The following ITGA6 variants were observed in gnomAD, a reference collection of about 807,000 sequenced individuals.
The protein encoded by ITGA6 is integrin subunit alpha 6.
A neutral mutation model predicts 133.6 loss-of-function variants in ITGA6; 63 were observed. The ratio of observed to expected loss-of-function variants is 0.47; its 90% confidence interval spans 0.38 to 0.58. ITGA6 has a LOEUF of 0.58. ITGA6 is among the 20% of genes least tolerant of loss of function. The pLI is 0.00. For missense variants in ITGA6, 1,068 were observed against 1,309.4 expected, an observed-to-expected ratio of 0.82 and a Z score of 2.85; for synonymous variants, 434 against 482.0, an observed-to-expected ratio of 0.90 and a Z score of 1.30.
intron 1 of ITGA6, among the ~76,000 whole-genome samples, chr2:172,437,361 A>G (rs1574316388): frequency 1.3e-5 from 2 of 152,358 alleles, no homozygotes; most frequent in African/African-American, 2.4e-5. Flanking sequence ...AGCAATGAAT[A>G]TAGTAAAAAG....
At chr2:172,451,787 G>C (rs1685014018) in intron 1 of ITGA6, among the ~76,000 whole-genome samples, 1 of 152,094 alleles carries the variant, frequency 6.6e-6, no homozygotes, top group Non-Finnish European at 1.5e-5. Flanking sequence ...CTACCTTGCT[G>C]TCGTGATCGA....
intron 1 of ITGA6, among the ~76,000 whole-genome samples, chr2:172,439,423 T>G (rs1004920848): frequency 1.1e-4 from 17 of 151,822 alleles, no homozygotes; most frequent in African/African-American, 3.9e-4. Context: ...GAGGGAAATC[T>G]GAGTTCAAAA....
rs1382305379 is a variant in ITGA6 at position 172,504,141 on chromosome 2, T to G, written c.*73T>G. The G allele has an allele frequency of 6.2e-7, 1 of 1,600,280 alleles. No homozygotes were observed. Among genetic ancestry groups the G allele is most frequent in the East Asian group, 2.2e-5 (1 of 44,586 alleles). On this transcript the variant is annotated 3_prime_UTR_variant, in exon 26 of 26. Transcript: ENST00000684293. ...ACGATGACAGTGTTCCCCGATACCA[T>G]GCTGTAAGGATCCGGAAAGAAGAGC...
chr2:172,432,601 T>C (rs945317923), intron 1 of ITGA6, among the ~76,000 whole-genome samples: 4 of 152,224 alleles, frequency 2.6e-5, no homozygotes, highest in Non-Finnish European at 1.5e-5. Flanking sequence ...AAACGGAATC[T>C]GTAAGCTTAG....
At chr2:172,474,344 C>A (rs569603929) in intron 6 of ITGA6, 79 bp downstream of exon 6, 14 of 1,259,842 alleles carry the variant, frequency 1.1e-5, no homozygotes, top group Non-Finnish European at 1.6e-5. Flanking sequence ...GAAGAGCCGT[C>A]CTTTCAGGTT....
chr2:172,453,316 C>T (rs1685084417), intron 1 of ITGA6, among the ~76,000 whole-genome samples: 2 of 152,014 alleles, frequency 1.3e-5, no homozygotes, highest in Non-Finnish European at 2.9e-5. Context: ...CGCTTAAGCT[C>T]AGGAGTTCGA....
chr2:172,437,774 C>A (rs1211482009), intron 1 of ITGA6, among the ~76,000 whole-genome samples: 1 of 148,378 alleles, frequency 6.7e-6, no homozygotes. Context: ...GAGGCCTGAG[C>A]CCTATGGTGT....
rs1305539581 is a variant in ITGA6, at chr2:172,504,300, C to G, written c.*232C>G. ...TTCACAGTACCCAAACTGCTTTTTC[C>G]AACTCAGAAATTCAATTTGGATTTA... On this transcript the variant is annotated 3_prime_UTR_variant, in exon 26 of 26. Coordinates refer to ENST00000684293, the MANE Select transcript of ITGA6 (RefSeq NM_000210.4). 2 of 1,395,694 alleles carry G rather than the reference C, an allele frequency of 1.4e-6. No homozygotes were observed. Among genetic ancestry groups the G allele is most frequent in the East Asian group, 5.0e-5 (2 of 40,154 alleles). The allele number at this position is 1,395,694 out of a possible 1,614,324, so 86.5% of individuals were successfully genotyped here.
At chr2:172,487,239 G>C in intron 14 of ITGA6, 25 bp from the exon 15 acceptor site, 2 of 1,601,776 alleles carry the variant, frequency 1.2e-6, no homozygotes. Flanking sequence ...TTGCCTTTTT[G>C]TTCTTGTTTT....
At chr2:172,473,337 C>T (rs916330965) in intron 5 of ITGA6, among the ~76,000 whole-genome samples, 5 of 152,062 alleles carry the variant, frequency 3.3e-5, no homozygotes, top group African/African-American at 1.2e-4. Flanking sequence ...TGTTTTCTGC[C>T]CTCTGAACAA....
At chr2:172,495,067 T>A (rs960116487) in intron 23 of ITGA6, among the ~76,000 whole-genome samples, 1 of 152,212 alleles carries the variant, frequency 6.6e-6, no homozygotes, top group East Asian at 1.9e-4. Flanking sequence ...TTGTAAAAGA[T>A]ACGAAAATCC....
upstream of ITGA6, chr2:172,427,568 T>C: frequency 8.2e-7 from 1 of 1,225,216 alleles, no homozygotes. Context: ...ATAAAACGCC[T>C]GCGAGTCTCC....
intron 5 of ITGA6, among the ~76,000 whole-genome samples, chr2:172,472,172 A>C (rs1187180011): frequency 6.6e-6 from 1 of 152,110 alleles, no homozygotes; most frequent in Non-Finnish European, 1.5e-5. Context: ...AAATACAAAA[A>C]TATTAGCCAG....
chr2:172,449,776 C>G (rs780159523), intron 1 of ITGA6, among the ~76,000 whole-genome samples: 1 of 151,984 alleles, frequency 6.6e-6, no homozygotes, highest in Admixed American at 6.5e-5. Context: ...ACAAAATTAG[C>G]CCGGCATGGT....
intron 24 of ITGA6, among the ~76,000 whole-genome samples, chr2:172,501,158 A>G (rs908766624): frequency 6.6e-6 from 1 of 152,166 alleles, no homozygotes; most frequent in African/African-American, 2.4e-5. Context: ...TTGGGTCCCT[A>G]CCATTTAAGG....
At chr2:172,486,966 G>A (rs970015382) in intron 13 of ITGA6, 57 bp from the exon 14 acceptor site, 4 of 912,914 alleles carry the variant, frequency 4.4e-6, no homozygotes, top group Admixed American at 3.5e-5. Flanking sequence ...CACCTACATC[G>A]ATGCCTTCCT....
At chr2:172,472,832 A>T (rs1686002680) in intron 5 of ITGA6, 1 of 1,612,620 alleles carries the variant, frequency 6.2e-7, no homozygotes, top group African/African-American at 1.3e-5. Flanking sequence ...TTTATAAAAC[A>T]CGGCCTCCCC....
At position 172,476,194 on chromosome 2, in the gene ITGA6, T is replaced by C. The variant is rs554826525; in HGVS notation, c.1270-201T>C. The stretch of plus-strand genomic sequence containing the variant: ...GGCTCTTTTCTGCTTTGAGATACTA[T>C]GTAAATCGGATGACTTTTATGAAAT... On this transcript the variant is annotated intron_variant, in intron 8 of 25. Coordinates refer to ENST00000684293, the MANE Select transcript of ITGA6 (RefSeq NM_000210.4). 6.6e-5 allele frequency among the ~76,000 whole-genome samples: 10 copies of C among 152,356 alleles called. No homozygotes were observed. In the East Asian group the frequency reaches 1.2e-3, roughly 18 times the overall value.
In ITGA6 at chr2:172,439,852, G is replaced by A. The variant is rs1020821734; in HGVS notation, c.182+11882G>A. 4.6e-5 allele frequency among the ~76,000 whole-genome samples: 7 copies of A among 152,256 alleles called. No individual in the cohort carries two copies. In the South Asian group the frequency reaches 6.2e-4, roughly 14 times the overall value. On this transcript the variant is annotated intron_variant, in intron 1 of 25. Coordinates refer to ENST00000684293, the MANE Select transcript of ITGA6 (RefSeq NM_000210.4). Reference sequence around the variant, plus strand: ...TGATGGTATGCCATACACATCTTCCGTTTGGTGAAATAGCCCATTCTTGGA... The same window carrying A: ...TGATGGTATGCCATACACATCTTCCATTTGGTGAAATAGCCCATTCTTGGA...
Sources: gnomAD v4.1 joint callset for allele counts (sites outside exome capture counted in the v4.1 genomes callset) on GRCh38, gnomAD v4.1.1 for gene constraint, MANE v1.5 for transcripts, NCBI Gene and HGNC (gene_info 2026-07-23, HGNC 2026-07-21) for gene names.